The following ASXL3 variants were observed in gnomAD, a reference collection of about 807,000 sequenced individuals.
ASXL3 encodes ASXL transcriptional regulator 3, also known as putative Polycomb group protein ASXL3.
Under a neutral mutation model 170.6 loss-of-function variants are expected in ASXL3, and 34 were observed. The ratio of observed to expected loss-of-function variants is 0.20; its 90% CI spans 0.15 to 0.27. ASXL3 has a LOEUF of 0.27. Ranked by LOEUF, ASXL3 falls within the 10% of genes least tolerant of loss-of-function variation. The pLI is 1.00. For synonymous variants in ASXL3, 1,002 were observed against 989.1 expected, an observed-to-expected ratio of 1.01 and a Z score of -0.24; for missense variants, 2,592 against 2,695.3, an observed-to-expected ratio of 0.96 and a Z score of 0.85.
chr18:33,604,265 A>G (rs1340168122), intron 1 of ASXL3, among the ~76,000 whole-genome samples: 1 of 152,064 alleles, frequency 6.6e-6, no homozygotes, highest in East Asian at 1.9e-4. Context: ...AGTGGCTTTT[A>G]TATGTATTAG....
intron 4 of ASXL3, 73 bp from the exon 5 acceptor site, chr18:33,661,543 C>G: frequency 7.0e-7 from 1 of 1,432,542 alleles, no homozygotes; most frequent in East Asian, 2.5e-5. Flanking sequence ...CAGAAAAGCT[C>G]CAAGTGTGTA....
chr18:33,689,945 A>G (rs1271602951), intron 8 of ASXL3, among the ~76,000 whole-genome samples: 1 of 152,128 alleles, frequency 6.6e-6, no homozygotes, highest in Admixed American at 6.6e-5. Context: ...ATTATGCTTA[A>G]ATTGTCCCAC....
At chr18:33,678,390 G>C (rs1483444938) in intron 7 of ASXL3, among the ~76,000 whole-genome samples, 1 of 152,178 alleles carries the variant, frequency 6.6e-6, no homozygotes, top group Admixed American at 6.5e-5. Context: ...CACACTTCAT[G>C]CATAATCCTT....
chr18:33,685,505 G>T (rs17733794), intron 8 of ASXL3, among the ~76,000 whole-genome samples: 8,903 of 152,224 alleles, frequency 0.058, 331 homozygotes, highest in South Asian at 0.18. Flanking sequence ...CTTCAACACA[G>T]GTGTAGTTTA....
intron 4 of ASXL3, among the ~76,000 whole-genome samples, chr18:33,658,325 A>G (rs2066115010): frequency 6.6e-6 from 1 of 152,144 alleles, no homozygotes; most frequent in South Asian, 2.1e-4. Flanking sequence ...GAATAAGTAA[A>G]AGTGAAAACC....
intron 10 of ASXL3, among the ~76,000 whole-genome samples, chr18:33,737,097 C>T (rs1165834211): frequency 2.6e-5 from 4 of 151,976 alleles, no homozygotes; most frequent in African/African-American, 4.8e-5. Context: ...CTGATACTCT[C>T]AGTATAGTAT....
intron 2 of ASXL3, among the ~76,000 whole-genome samples, chr18:33,616,497 G>A (rs1165884652): frequency 6.6e-6 from 1 of 151,986 alleles, no homozygotes; most frequent in Non-Finnish European, 1.5e-5. Flanking sequence ...TTGGATTGCT[G>A]AATGGGAAGG....
At chr18:33,687,507 C>A (rs1458016683) in intron 8 of ASXL3, among the ~76,000 whole-genome samples, 2 of 152,156 alleles carry the variant, frequency 1.3e-5, no homozygotes, top group African/African-American at 4.8e-5. Context: ...CCTTTGACTA[C>A]CCCAAGTTTC....
At position 33,744,018 on chromosome 18, in the gene ASXL3, T is replaced by C. The variant is rs61978621; in HGVS notation, c.4170T>C (p.Thr1390=). Residue 1390 remains threonine, a synonymous_variant, in exon 12 of 12, where the codon ACT becomes ACC. Coordinates refer to ENST00000269197, the MANE Select transcript of ASXL3 (RefSeq NM_030632.3). ...AGGCCACTGTATCCATGGGTACCAC[T>C]GTGAGAGCAGCCCTCAGCTGCAGTG... ...EEQATVSMGT[T]VRAALSCSDS... is the part of the protein sequence containing the mutation. 1.7e-5 allele frequency: 27 copies of C among 1,613,890 alleles called. No homozygotes were observed. In the African/African-American group the frequency reaches 2.7e-4, roughly 16 times the overall value.
At position 33,744,877 on chromosome 18, in the gene ASXL3, A is replaced by G. The variant is rs1182769690; in HGVS notation, c.5029A>G (p.Lys1677Glu). Residue 1677 changes from lysine to glutamate, a missense_variant, in exon 12 of 12, where the codon AAG becomes GAG. Transcript: ENST00000269197. ...PVKSELHEAD[K>E]GFRMDTEDFP... Reference sequence around the variant, plus strand: ...GAAATCTGAACTTCACGAAGCAGACAAGGGCTTTAGAATGGACACTGAAGA... The same window carrying G: ...GAAATCTGAACTTCACGAAGCAGACGAGGGCTTTAGAATGGACACTGAAGA... The G allele has an allele frequency of 4.3e-6, 7 of 1,614,036 alleles. No individual in the cohort carries two copies. Among genetic ancestry groups the G allele is most frequent in the Non-Finnish European group, 5.9e-6 (7 of 1,179,890 alleles).
At chr18:33,639,480 T>C (rs2065815987) in intron 2 of ASXL3, among the ~76,000 whole-genome samples, 1 of 152,210 alleles carries the variant, frequency 6.6e-6, no homozygotes, top group Admixed American at 6.5e-5. Flanking sequence ...TGTGGCATGT[T>C]CTTTACTAGA....
At chr18:33,628,479 G>A (rs1347449131) in intron 2 of ASXL3, among the ~76,000 whole-genome samples, 1 of 152,130 alleles carries the variant, frequency 6.6e-6, no homozygotes, top group Admixed American at 6.6e-5. Context: ...GAAAAGCCAA[G>A]TGATAAAAGG....
chr18:33,694,542 G>A (rs981952017), intron 8 of ASXL3, among the ~76,000 whole-genome samples: 1 of 151,850 alleles, frequency 6.6e-6, no homozygotes, highest in Non-Finnish European at 1.5e-5. Flanking sequence ...CAGGGCTAAC[G>A]GGGCTATCTT....
chr18:33,598,797 A>C (rs780671214), intron 1 of ASXL3, among the ~76,000 whole-genome samples: 11 of 152,194 alleles, frequency 7.2e-5, no homozygotes, highest in Non-Finnish European at 1.2e-4. Flanking sequence ...TATTGTGGAT[A>C]ACCATGGGGA....
intron 1 of ASXL3, among the ~76,000 whole-genome samples, chr18:33,586,663 C>G (rs1006164529): frequency 6.6e-6 from 1 of 152,012 alleles, no homozygotes; most frequent in Non-Finnish European, 1.5e-5. Flanking sequence ...TTATTCTCGT[C>G]GCCCCACACC....
intron 1 of ASXL3, chr18:33,605,579 A>T (rs1026324434): frequency 6.6e-6 from 1 of 152,080 alleles, no homozygotes; most frequent in Non-Finnish European, 1.5e-5. Flanking sequence ...GGCTATCCAA[A>T]TTCTCTCAAT....
intron 1 of ASXL3, among the ~76,000 whole-genome samples, chr18:33,589,574 T>C (rs142512491): frequency 4.8e-4 from 73 of 152,300 alleles, no homozygotes; most frequent in African/African-American, 1.6e-3. Flanking sequence ...GCTCTGACTT[T>C]CATATCAAGA....
chr18:33,651,723 A>C (rs1305467006), intron 4 of ASXL3, among the ~76,000 whole-genome samples: 1 of 152,142 alleles, frequency 6.6e-6, no homozygotes, highest in Non-Finnish European at 1.5e-5. Context: ...GTATTTTGTA[A>C]AAACTGATAA....
chr18:33,644,848 A>G (rs1308094875), intron 2 of ASXL3, 46 bp from the exon 3 acceptor site: 3 of 1,247,180 alleles, frequency 2.4e-6, no homozygotes, highest in Middle Eastern at 1.9e-4. Flanking sequence ...TTGCAATAGA[A>G]GCTGTACCTC....
Sources: allele counts gnomAD v4.1 joint callset (sites outside exome capture counted in the v4.1 genomes callset), GRCh38; gene constraint gnomAD v4.1.1; transcripts MANE v1.5; gene names NCBI Gene and HGNC (gene_info 2026-07-23, HGNC 2026-07-21).